The following ACBD6 variants were observed in gnomAD, a reference collection of about 807,000 sequenced individuals.
ACBD6 encodes the protein acyl-CoA binding domain containing 6.
In ACBD6, 28 loss-of-function variants were observed where a neutral mutation model predicts 37.2. The observed-to-expected ratio is 0.75, with a 90% confidence interval of 0.56 to 1.03. The LOEUF (loss-of-function observed/expected upper bound fraction) is 1.03, where lower values mean the gene tolerates loss of function less well. Among genes scored for constraint, ACBD6 ranks in the 50% least tolerant of loss-of-function variants. The pLI is 0.00. For missense variants in ACBD6, 340 were observed against 337.4 expected (o/e 1.01, Z -0.06); for synonymous variants, 113 against 126.8 (o/e 0.89, Z 0.73).
chr1:180,292,196 A>G (rs1462663982), intron 7 of ACBD6, among the ~76,000 whole-genome samples: 2 of 152,126 alleles, frequency 1.3e-5, no homozygotes, highest in Non-Finnish European at 2.9e-5. Flanking sequence ...TCAACTTATA[A>G]GTTTTTACAA....
At chr1:180,349,281 G>T (rs1238911733) in intron 6 of ACBD6, among the ~76,000 whole-genome samples, 2 of 124,616 alleles carry the variant, frequency 1.6e-5, no homozygotes, top group Admixed American at 8.5e-5. Context: ...TTTTTTTTTG[G>T]AAACGTCTCG....
intron 3 of ACBD6, among the ~76,000 whole-genome samples, chr1:180,437,940 G>A (rs998876844): frequency 6.6e-6 from 1 of 152,174 alleles, no homozygotes; most frequent in Admixed American, 6.5e-5. Flanking sequence ...TGCACAGAAT[G>A]TTAGAGTAGG....
intron 3 of ACBD6, among the ~76,000 whole-genome samples, chr1:180,449,994 A>C (rs1012004054): frequency 6.6e-6 from 1 of 151,466 alleles, no homozygotes; most frequent in African/African-American, 2.4e-5. Flanking sequence ...ACTAGATGTC[A>C]CATTCAGGAC....
rs138385191 is a variant in ACBD6 at position 180,447,978 on chromosome 1, A to G, written c.385-17716T>C. Among the ~76,000 whole-genome samples the G allele has an allele frequency of 1.2e-3, 182 of 152,302 alleles. 5 individuals are homozygous for G. In the East Asian group the frequency reaches 0.033, roughly 27 times the overall value. ...AGGCAACAGTTAGATACTTGAAGTT[A>G]CCCACGGGTTTAGGGTTCTACTCAC... On this transcript the variant is annotated intron_variant, in intron 3 of 7. Transcript: ENST00000367595.
intron 7 of ACBD6, among the ~76,000 whole-genome samples, chr1:180,293,432 T>C (rs755833237): frequency 8.6e-5 from 13 of 151,884 alleles, no homozygotes; most frequent in Non-Finnish European, 1.5e-4. Context: ...CTCAGCCTCC[T>C]GAGTAGCTGA....
chr1:180,402,268 G>A (rs2101958302), intron 5 of ACBD6, among the ~76,000 whole-genome samples: 1 of 152,222 alleles, frequency 6.6e-6, no homozygotes, highest in East Asian at 1.9e-4. Context: ...AAATGACAAT[G>A]TTATTTCAAG....
At chr1:180,338,723 T>C (rs1384063298) in intron 6 of ACBD6, among the ~76,000 whole-genome samples, 2 of 152,128 alleles carry the variant, frequency 1.3e-5, no homozygotes, top group Non-Finnish European at 2.9e-5. Flanking sequence ...CAAAAGAAAC[T>C]ACCACCAGAG....
intron 6 of ACBD6, among the ~76,000 whole-genome samples, chr1:180,346,031 T>C (rs1008614066): frequency 7.9e-5 from 12 of 152,206 alleles, no homozygotes; most frequent in African/African-American, 2.9e-4. Flanking sequence ...TCTGAAATTC[T>C]GAAGCTAAAA....
chr1:180,465,080 T>C (rs1269503891), intron 3 of ACBD6, among the ~76,000 whole-genome samples: 1 of 152,058 alleles, frequency 6.6e-6, no homozygotes, highest in African/African-American at 2.4e-5. Context: ...ATAAAAACCC[T>C]GGAAGACAAC....
chr1:180,320,315 T>G (rs1375893854), intron 6 of ACBD6, among the ~76,000 whole-genome samples: 1 of 152,196 alleles, frequency 6.6e-6, no homozygotes, highest in Non-Finnish European at 1.5e-5. Flanking sequence ...TTGAGAAAGA[T>G]CTATTCAAAT....
At chr1:180,387,867 T>A (rs1265617166) in intron 6 of ACBD6, among the ~76,000 whole-genome samples, 1 of 152,118 alleles carries the variant, frequency 6.6e-6, no homozygotes, top group East Asian at 1.9e-4. Context: ...CTTCAGCTTA[T>A]AAAGAAACAA....
intron 3 of ACBD6, among the ~76,000 whole-genome samples, chr1:180,461,508 C>T (rs1354313116): frequency 6.6e-6 from 1 of 152,062 alleles, no homozygotes; most frequent in Non-Finnish European, 1.5e-5. Context: ...TTAAAGGCAG[C>T]CAGAGAGAAA....
intron 3 of ACBD6, among the ~76,000 whole-genome samples, chr1:180,464,623 C>A (rs534018054): frequency 6.6e-6 from 1 of 152,170 alleles, no homozygotes; most frequent in South Asian, 2.1e-4. Context: ...AAGCAATTTA[C>A]AGATTAAATG....
chr1:180,500,559 C>T (rs1156542076), intron 1 of ACBD6, among the ~76,000 whole-genome samples: 6 of 151,428 alleles, frequency 4.0e-5, no homozygotes, highest in South Asian at 2.1e-4. Flanking sequence ...TTGGGCATGG[C>T]GGCAGGCACC....
intron 3 of ACBD6, among the ~76,000 whole-genome samples, chr1:180,444,994 T>C (rs1649422188): frequency 6.6e-6 from 1 of 152,206 alleles, no homozygotes; most frequent in African/African-American, 2.4e-5. Flanking sequence ...TTTGGATTTG[T>C]TTTACTGTTT....
At chr1:180,314,096 C>G (rs1650696059) in intron 7 of ACBD6, among the ~76,000 whole-genome samples, 1 of 152,128 alleles carries the variant, frequency 6.6e-6, no homozygotes, top group Non-Finnish European at 1.5e-5. Flanking sequence ...ATGATTTTAA[C>G]ATCTTTCTTG....
intron 3 of ACBD6, among the ~76,000 whole-genome samples, chr1:180,468,476 C>G (rs991513878): frequency 2.0e-5 from 3 of 152,230 alleles, no homozygotes; most frequent in Admixed American, 1.3e-4. Flanking sequence ...AGATGCGTGA[C>G]TGGGTTTATT....
chr1:180,345,609 C>CA (rs1343022667), intron 6 of ACBD6, among the ~76,000 whole-genome samples: 4 of 151,910 alleles, frequency 2.6e-5, no homozygotes, highest in Non-Finnish European at 5.9e-5. Context: ...TCTAAGTGTC[C>CA]AACAACACAG....
intron 3 of ACBD6, among the ~76,000 whole-genome samples, chr1:180,472,682 A>T (rs1650614719): frequency 6.6e-6 from 1 of 152,228 alleles, no homozygotes; most frequent in African/African-American, 2.4e-5. Flanking sequence ...AAAAGCTAAA[A>T]GCTGAGTAAT....
Sources: allele counts gnomAD v4.1 joint callset (sites outside exome capture counted in the v4.1 genomes callset), GRCh38; gene constraint gnomAD v4.1.1; transcripts MANE v1.5; gene names NCBI Gene and HGNC (gene_info 2026-07-23, HGNC 2026-07-21).